GRIK5: variants seen among roughly 807,000 people sequenced by gnomAD.
GRIK5 encodes the protein glutamate ionotropic receptor kainate type subunit 5, also known as glutamate receptor ionotropic, kainate 5.
In GRIK5, 43 loss-of-function variants were observed where a neutral mutation model predicts 97.4. That is an observed-to-expected ratio of 0.44 (90% CI 0.35 to 0.57). The LOEUF (loss-of-function observed/expected upper bound fraction) is 0.57. Ranked by LOEUF, GRIK5 falls within the 20% of genes least tolerant of loss-of-function variation. GRIK5 has a pLI of 0.01. For missense variants in GRIK5, 1,015 were observed against 1,382.0 expected, an observed-to-expected ratio of 0.73 and a Z score of 4.21; for synonymous variants, 580 against 583.5, an observed-to-expected ratio of 0.99 and a Z score of 0.09.
At position 42,006,594 on chromosome 19, in the gene GRIK5, T is replaced by C; in HGVS notation, c.2037+51A>G. 6.5e-7 allele frequency: 1 copy of C among 1,549,182 alleles called. No individual in the cohort carries two copies. The highest frequency in any genetic ancestry group is 8.9e-7 in the Non-Finnish European group (1 of 1,123,240). On this transcript the variant is annotated intron_variant, in intron 16 of 19. Coordinates refer to ENST00000593562, the MANE Select transcript of GRIK5 (RefSeq NM_002088.5). The surrounding 1 kb of genome is among the most constrained non-coding windows in gnomAD (Gnocchi z 5.3). ...CTGCCCAGACCCATCCTGAGCTGCT[T>C]TGCATGGCAGGGATCCCAACACCAC...
At chr19:42,048,390 G>A (rs2146124114) in intron 11 of GRIK5, among the ~76,000 whole-genome samples, 1 of 152,324 alleles carries the variant, frequency 6.6e-6, no homozygotes, top group South Asian at 2.1e-4. Flanking sequence ...GGGAGGCCGA[G>A]GTGGGCAGAT....
chr19:42,037,701 G>A (rs946684965), intron 12 of GRIK5, among the ~76,000 whole-genome samples: 1 of 152,190 alleles, frequency 6.6e-6, no homozygotes, highest in African/African-American at 2.4e-5. Flanking sequence ...GCTGCCCAGG[G>A]TGTAGGTGGC....
At chr19:42,052,401 T>A (rs1452050553) in intron 11 of GRIK5, among the ~76,000 whole-genome samples, 1 of 152,036 alleles carries the variant, frequency 6.6e-6, no homozygotes, top group Admixed American at 6.6e-5. Context: ...CTGGGGAGGC[T>A]GTTAGGAGGT....
At position 42,062,570 on chromosome 19, in the gene GRIK5, G is replaced by A. The variant is rs745782468; in HGVS notation, c.426C>T (p.Asn142=). Residue 142 remains asparagine (N), a synonymous_variant, in exon 5 of 20, where the codon AAC becomes AAT. Transcript: ENST00000593562. The surrounding 1 kb of genome is among the most constrained non-coding windows in gnomAD (Gnocchi z 5.3). ...RFASVSLYPS[N]EDVSLAVSRI... ...GGGAGACCGCCAAGCTGACGTCCTC[G>A]TTACTGGGGTACAGGCTGACAGACG... The A allele has an allele frequency of 4.6e-5, 74 of 1,614,046 alleles. No homozygotes were observed. The highest frequency in any genetic ancestry group is 5.6e-5 in the Non-Finnish European group (66 of 1,180,006).
At chr19:42,055,652 C>T (rs2076173642) in intron 8 of GRIK5, among the ~76,000 whole-genome samples, 1 of 151,976 alleles carries the variant, frequency 6.6e-6, no homozygotes, top group Admixed American at 6.6e-5. Context: ...AAAGACAAGG[C>T]AGGGAGGGGT....
In GRIK5 at chr19:42,062,371, G is replaced by A. The variant is rs2076270134; in HGVS notation, c.508+117C>T. The A allele has an allele frequency of 2.1e-6, 2 of 964,824 alleles. No homozygotes were observed. The highest frequency in any genetic ancestry group is 3.1e-6 in the Non-Finnish European group (2 of 648,806). 59.8% of individuals were successfully genotyped at this position (964,824 alleles called of 1,614,324 possible). A position where few individuals can be genotyped will look rare whatever the true frequency, so the allele number is the denominator to read the frequency against. ...TTTCTGAAGATGGGAGAAGAGCCTG[G>A]TGCCTGGGTGCCCCAGGGTTCTAAC... On this transcript the variant is annotated intron_variant, in intron 5 of 19. Transcript: ENST00000593562. The surrounding 1 kb of genome is among the most constrained non-coding windows in gnomAD (Gnocchi z 5.3).
intron 15 of GRIK5, among the ~76,000 whole-genome samples, chr19:42,016,488 AC>A (rs2075626083): frequency 6.6e-6 from 1 of 151,994 alleles, no homozygotes; most frequent in Admixed American, 6.6e-5. Flanking sequence ...CACACCATGC[AC>A]CCTCTGGCCC....
chr19:42,066,792 G>A (rs895188429), intron 1 of GRIK5, among the ~76,000 whole-genome samples: 2 of 151,976 alleles, frequency 1.3e-5, no homozygotes, highest in African/African-American at 4.8e-5. Flanking sequence ...AGGCACAGGC[G>A]AGACACAGGA....
intron 12 of GRIK5, among the ~76,000 whole-genome samples, chr19:42,034,122 G>A (rs1455829953): frequency 6.6e-6 from 1 of 152,188 alleles, no homozygotes. Flanking sequence ...AGCACTTCAG[G>A]AGGTCGAGGC....
At chr19:42,005,648 C>T (rs2075480304) in intron 17 of GRIK5, 75 bp downstream of exon 17, 1 of 1,050,328 alleles carries the variant, frequency 9.5e-7, no homozygotes, top group Non-Finnish European at 1.4e-6. Context: ...GGTGCCTGGC[C>T]CGGTCCTGGG....
intron 15 of GRIK5, among the ~76,000 whole-genome samples, chr19:42,008,690 C>T (rs1389621387): frequency 6.6e-6 from 1 of 152,060 alleles, no homozygotes; most frequent in Non-Finnish European, 1.5e-5. Context: ...AGAAAAATCA[C>T]TCAATTGAAA....
In GRIK5 at chr19:42,062,355, A is replaced by G. The variant is rs2076270014; in HGVS notation, c.508+133T>C. 5 of 798,332 alleles carry G rather than the reference A, an allele frequency of 6.3e-6. No individual in the cohort carries two copies. The highest frequency in any genetic ancestry group is 7.9e-6 in the Non-Finnish European group (4 of 508,200). The allele number at this position is 798,332 out of a possible 1,614,324, so 49.5% of individuals were successfully genotyped here. A position where few individuals can be genotyped will look rare whatever the true frequency, so the allele number is the denominator to read the frequency against. ...GAACCAGAGGCCTCGGTTTCTGAAG[A>G]TGGGAGAAGAGCCTGGTGCCTGGGT... is the stretch of plus-strand genomic sequence containing the variant. On this transcript the variant is annotated intron_variant, in intron 5 of 19. Coordinates refer to ENST00000593562, the MANE Select transcript of GRIK5 (RefSeq NM_002088.5). This position sits in a 1 kb window ranked among gnomAD's most constrained non-coding sequence, Gnocchi z 5.3.
At chr19:42,004,657 G>T (rs560724116) in intron 17 of GRIK5, among the ~76,000 whole-genome samples, 4 of 152,268 alleles carry the variant, frequency 2.6e-5, no homozygotes, top group African/African-American at 9.6e-5. Flanking sequence ...AATCTCACTT[G>T]GTTACCCAGG....
At position 42,056,916 on chromosome 19, in the gene GRIK5, C is replaced by A. The variant is rs1368734664; in HGVS notation, c.741+9G>T. ...GTGGGGGCAGAGATGGGCCAGAGGG[C>A]ATACACACCATGGTGGTGAGGATGT... is the stretch of plus-strand genomic sequence containing the variant. On this transcript the variant is annotated intron_variant, in intron 7 of 19. Coordinates refer to ENST00000593562, the MANE Select transcript of GRIK5 (RefSeq NM_002088.5). The A allele has an allele frequency of 1.9e-6, 3 of 1,595,746 alleles. No homozygotes were observed. Among genetic ancestry groups the A allele is most frequent in the African/African-American group, 1.3e-5 (1 of 74,464 alleles).
chr19:42,064,513 T>A (rs528277590), intron 3 of GRIK5, among the ~76,000 whole-genome samples: 1 of 152,028 alleles, frequency 6.6e-6, no homozygotes, highest in South Asian at 2.1e-4. Flanking sequence ...TGGAATGCCA[T>A]CTGCCTCCTC....
Position 42,065,786 on chromosome 19 carries a change from A to G in GRIK5, c.-16T>C. The G allele has an allele frequency of 6.4e-7, 1 of 1,555,954 alleles. No individual in the cohort carries two copies. Among genetic ancestry groups the G allele is most frequent in the Non-Finnish European group, 8.7e-7 (1 of 1,150,570 alleles). ...CAGCCGGCATCTTCCTCCCCTCCTC[A>G]TGGGGACGCAGCTGCCGCGGCCCCC... On this transcript the variant is annotated 5_prime_UTR_variant, in exon 2 of 20. It removes an upstream start codon present in the reference 5' UTR. Coordinates refer to ENST00000593562, the MANE Select transcript of GRIK5 (RefSeq NM_002088.5). The surrounding 1 kb of genome is among the most constrained non-coding windows in gnomAD (Gnocchi z 5.8).
At chr19:42,056,879 G>A (rs748563662) in intron 7 of GRIK5, 46 bp downstream of exon 7, 11 of 1,611,680 alleles carry the variant, frequency 6.8e-6, no homozygotes, top group Non-Finnish European at 9.3e-6. Context: ...GGACAGCTGT[G>A]ATGGGAAGGA....
At position 42,042,600 on chromosome 19, in the gene GRIK5, G is replaced by T; in HGVS notation, c.1425C>A (p.Pro475=). The T allele has an allele frequency of 1.2e-6, 2 of 1,612,382 alleles. No homozygotes were observed. Among genetic ancestry groups the T allele is most frequent in the Non-Finnish European group, 1.7e-6 (2 of 1,179,886 alleles). The change falls in exon 12 of 20, where the codon CCC becomes CCA. Residue 475 remains proline (P), a synonymous_variant. Transcript: ENST00000593562. This position sits in a 1 kb window ranked among gnomAD's most constrained non-coding sequence, Gnocchi z 6.9. The part of the protein sequence containing the change: ...RLVEDGLYGA[P]EPNGSWTGMV... ...TGCCCGTCCAGGAGCCGTTGGGCTC[G>T]GGCGCCCCGTACAGCCCATCCTCCA...
intron 12 of GRIK5, among the ~76,000 whole-genome samples, chr19:42,028,775 C>G (rs1450013994): frequency 6.6e-6 from 1 of 152,246 alleles, no homozygotes; most frequent in East Asian, 1.9e-4. Flanking sequence ...AGCTATGGCC[C>G]TTGGGCCAAG....
Sources: allele counts gnomAD v4.1 joint callset (sites outside exome capture counted in the v4.1 genomes callset), GRCh38; gene constraint gnomAD v4.1.1; non-coding constraint Gnocchi (gnomAD v3.1); transcripts MANE v1.5; gene names NCBI Gene and HGNC (gene_info 2026-07-23, HGNC 2026-07-21).